PICALM: variants seen among roughly 807,000 people sequenced by gnomAD.
PICALM encodes the protein phosphatidylinositol-binding clathrin assembly protein.
In PICALM, 40 loss-of-function variants were observed where a neutral mutation model predicts 80.5. That is an observed-to-expected ratio of 0.50 (90% CI 0.39 to 0.65). PICALM has a LOEUF of 0.65. Ranked by LOEUF, PICALM falls within the 30% of genes least tolerant of loss-of-function variation. The probability of loss-of-function intolerance (pLI) is 0.00; values close to 1 mark genes in which losing one functional copy is unlikely to be tolerated. For missense variants in PICALM, 676 were observed against 778.9 expected (o/e 0.87, Z 1.57); for synonymous variants, 288 against 260.3 (o/e 1.11, Z -1.02).
intron 13 of PICALM, among the ~76,000 whole-genome samples, chr11:85,986,823 C>G (rs78849779): frequency 0.029 from 4,432 of 152,230 alleles, 220 homozygotes; most frequent in African/African-American, 0.1. Context: ...AGAGCAGGCG[C>G]TGAGCTCTGA....
At chr11:86,013,446 T>G (rs1289001691) in intron 5 of PICALM, among the ~76,000 whole-genome samples, 2 of 152,208 alleles carry the variant, frequency 1.3e-5, no homozygotes, top group Admixed American at 6.5e-5. Flanking sequence ...CACATTCTTT[T>G]TCTGGGTGTT....
intron 1 of PICALM, among the ~76,000 whole-genome samples, chr11:86,032,616 A>C (rs2095775654): frequency 6.6e-6 from 1 of 152,148 alleles, no homozygotes; most frequent in Non-Finnish European, 1.5e-5. Flanking sequence ...ACAGAGTGAG[A>C]CTCTGCCTCA....
intron 1 of PICALM, among the ~76,000 whole-genome samples, chr11:86,047,046 G>A (rs999237491): frequency 6.6e-6 from 1 of 152,190 alleles, no homozygotes; most frequent in Non-Finnish European, 1.5e-5. Context: ...CTATTGCAAA[G>A]ATTTAAATAC....
intron 19 of PICALM, chr11:85,974,421 C>T (rs185040265): frequency 6.3e-5 from 35 of 551,686 alleles, no homozygotes; most frequent in Middle Eastern, 6.0e-4. Context: ...ACCAGAATCA[C>T]GAAGAGCAAG....
intron 1 of PICALM, among the ~76,000 whole-genome samples, chr11:86,047,961 C>A (rs2096106052): frequency 1.3e-5 from 2 of 151,968 alleles, no homozygotes; most frequent in Admixed American, 1.3e-4. Flanking sequence ...ATTAGCCGGG[C>A]ATGGTGGCGG....
At chr11:86,056,360 A>G (rs2096270203) in intron 1 of PICALM, among the ~76,000 whole-genome samples, 1 of 150,726 alleles carries the variant, frequency 6.6e-6, no homozygotes, top group African/African-American at 2.4e-5. Context: ...CCTTGAATAG[A>G]TATTTTCCCA....
chr11:86,003,802 G>A (rs1454768194), intron 8 of PICALM: 1 of 163,218 alleles, frequency 6.1e-6, no homozygotes, highest in Non-Finnish European at 1.3e-5. Flanking sequence ...AGCACCTGAT[G>A]AGCAACTGAA....
In PICALM at chr11:86,012,354, A is replaced by G. The variant is rs149334225; in HGVS notation, c.585T>C (p.Ala195=). The change falls in exon 6 of 20, where the codon GCT becomes GCC. Residue 195 remains alanine, a synonymous_variant. Coordinates refer to ENST00000393346, the MANE Select transcript of PICALM (RefSeq NM_007166.4). ...SNELTNGVIN[A]AFMLLFKDAI... is the part of the protein sequence containing the mutation. ...CATCTTTGAACAGGAGCATGAAGGC[A>G]GCATTTATTACCCCATTTGTAAGTT... The G allele has an allele frequency of 9.9e-5, 159 of 1,610,694 alleles. No individual in the cohort carries two copies. In the African/African-American group the frequency reaches 2.0e-3, roughly 20 times the overall value.
At chr11:86,015,058 A>T (rs540799189) in intron 4 of PICALM, 95 bp from the exon 5 acceptor site, 7 of 686,250 alleles carry the variant, frequency 1.0e-5, no homozygotes, top group African/African-American at 7.6e-5. Context: ...ACAGAGAACC[A>T]AGTTGCTATG....
At chr11:85,983,830 C>A in intron 14 of PICALM, 36 bp downstream of exon 14, 1 of 825,624 alleles carries the variant, frequency 1.2e-6, no homozygotes, top group South Asian at 1.6e-5. Flanking sequence ...TAAATTAGGA[C>A]ATTATAATAT....
At chr11:86,025,208 T>C (rs943269747) in intron 3 of PICALM, among the ~76,000 whole-genome samples, 13 of 152,176 alleles carry the variant, frequency 8.5e-5, no homozygotes, top group African/African-American at 9.7e-5. Flanking sequence ...CAGACCATCC[T>C]GGCCAACATG....
At chr11:85,960,885 T>G in intron 19 of PICALM, 1 of 381,462 alleles carries the variant, frequency 2.6e-6, no homozygotes, top group East Asian at 7.2e-5. Context: ...TTTGTCATCT[T>G]TAATAAATAT....
rs1290558853 is a variant in PICALM at position 85,957,333 on chromosome 11, A to G, written c.*1713T>C. Among the ~76,000 whole-genome samples the G allele has an allele frequency of 6.6e-6, 1 of 152,206 alleles. No individual in the cohort carries two copies. Reference sequence around the variant, plus strand: ...TGTACTCTGAACCCTATGCACTACTAAATAGGCAATATGATACAATCAAAG... The same window carrying G: ...TGTACTCTGAACCCTATGCACTACTGAATAGGCAATATGATACAATCAAAG... On this transcript the variant is annotated 3_prime_UTR_variant, in exon 20 of 20. Coordinates refer to ENST00000393346, the MANE Select transcript of PICALM (RefSeq NM_007166.4).
intron 1 of PICALM, among the ~76,000 whole-genome samples, chr11:86,057,365 C>T (rs2096285191): frequency 6.6e-6 from 1 of 151,990 alleles, no homozygotes; most frequent in South Asian, 2.1e-4. Flanking sequence ...ATGGTGAAAC[C>T]CCGTCTCTAC....
chr11:85,999,830 C>G (rs1191046455), intron 11 of PICALM, among the ~76,000 whole-genome samples: 1 of 152,202 alleles, frequency 6.6e-6, no homozygotes, highest in Non-Finnish European at 1.5e-5. Flanking sequence ...GTGCTAAAAC[C>G]TAGTCACCTG....
intron 1 of PICALM, among the ~76,000 whole-genome samples, chr11:86,056,008 T>G (rs932013448): frequency 2.0e-4 from 30 of 151,330 alleles, no homozygotes; most frequent in African/African-American, 7.0e-4. Flanking sequence ...TGGTGGCACA[T>G]GCCTGTAGTC....
At chr11:86,004,038 T>C (rs183526278) in intron 8 of PICALM, among the ~76,000 whole-genome samples, 658 of 152,354 alleles carry the variant, frequency 4.3e-3, no homozygotes, top group Non-Finnish European at 5.3e-3. Context: ...GGTTGTTCTT[T>C]ACAAAGTTAA....
intron 1 of PICALM, among the ~76,000 whole-genome samples, chr11:86,052,038 TA>T (rs573993588): frequency 3.9e-5 from 6 of 152,234 alleles, no homozygotes; most frequent in Non-Finnish European, 7.3e-5. Flanking sequence ...ATGTCCTAAC[TA>T]AACCAACTGA....
At chr11:85,977,989 T>C (rs1481862316) in intron 17 of PICALM, 5 of 1,022,142 alleles carry the variant, frequency 4.9e-6, no homozygotes, top group Middle Eastern at 2.0e-4. Context: ...AAGTAATAGC[T>C]GAAAGGTTAT....
Sources: gnomAD v4.1 joint callset for allele counts (sites outside exome capture counted in the v4.1 genomes callset) on GRCh38, gnomAD v4.1.1 for gene constraint, MANE v1.5 for transcripts, NCBI Gene and HGNC (gene_info 2026-07-23, HGNC 2026-07-21) for gene names.